Variants in SORBS2 observed in about 807,000 individuals in gnomAD.
The protein encoded by SORBS2 is sorbin and SH3 domain-containing protein 2.
Under a neutral mutation model 97.7 loss-of-function variants are expected in SORBS2, and 46 were observed. The ratio of observed to expected loss-of-function variants is 0.47; its 90% CI spans 0.37 to 0.60. The LOEUF (loss-of-function observed/expected upper bound fraction) is 0.60. SORBS2 is among the 20% of genes least tolerant of loss of function. The pLI is 0.00. For missense variants in SORBS2, 1,316 were observed against 1,282.3 expected (o/e 1.03, Z -0.40); for synonymous variants, 476 against 473.4 (o/e 1.01, Z -0.07).
At chr4:185,748,818 G>A (rs928546955) in intron 2 of SORBS2, among the ~76,000 whole-genome samples, 5 of 152,214 alleles carry the variant, frequency 3.3e-5, no homozygotes, top group Admixed American at 2.0e-4. Context: ...CCTTCGGCAA[G>A]TGGAGGATTT....
chr4:185,691,103 T>C (rs1379611418), intron 2 of SORBS2, among the ~76,000 whole-genome samples: 1 of 152,132 alleles, frequency 6.6e-6, no homozygotes, highest in East Asian at 1.9e-4. Flanking sequence ...GGTTTCACTA[T>C]GTTGGTCAGG....
chr4:185,612,583 G>A (rs2153405464), intron 11 of SORBS2, among the ~76,000 whole-genome samples: 1 of 151,102 alleles, frequency 6.6e-6, no homozygotes, highest in Middle Eastern at 3.4e-3. Context: ...CGCACCTCCT[G>A]GGTTTAAGAA....
chr4:185,672,415 GTAGCTTTTTGC>G (rs1561832461), intron 4 of SORBS2, among the ~76,000 whole-genome samples: 1 of 152,220 alleles, frequency 6.6e-6, no homozygotes, highest in African/African-American at 2.4e-5. Flanking sequence ...GTTTGGGGGT[GTAGCTTTTTGC>G]TGGCTTTCCA....
intron 2 of SORBS2, among the ~76,000 whole-genome samples, chr4:185,752,134 T>C (rs2098804208): frequency 6.6e-6 from 1 of 152,170 alleles, no homozygotes; most frequent in African/African-American, 2.4e-5. Flanking sequence ...CAGAAAAGTA[T>C]CTTAAAAATA....
intron 2 of SORBS2, among the ~76,000 whole-genome samples, chr4:185,715,138 T>C (rs755606436): frequency 8.5e-5 from 13 of 152,218 alleles, no homozygotes; most frequent in South Asian, 2.1e-4. Flanking sequence ...ATCATTAGCT[T>C]TATTCTGCTT....
intron 2 of SORBS2, among the ~76,000 whole-genome samples, chr4:185,683,436 G>A (rs1191398704): frequency 6.6e-6 from 1 of 152,112 alleles, no homozygotes; most frequent in African/African-American, 2.4e-5. Context: ...GACATTCAGG[G>A]TATTGGCATT....
At chr4:185,633,031 C>T (rs1186127644) in intron 4 of SORBS2, among the ~76,000 whole-genome samples, 1 of 152,150 alleles carries the variant, frequency 6.6e-6, no homozygotes. Flanking sequence ...TTATGATCTA[C>T]TATTTACATA....
At chr4:185,610,483 C>T (rs1367586096) in intron 12 of SORBS2, among the ~76,000 whole-genome samples, 1 of 152,020 alleles carries the variant, frequency 6.6e-6, no homozygotes, top group African/African-American at 2.4e-5. Context: ...ATATATTATC[C>T]ATGAATACAG....
At chr4:185,853,068 T>C (rs1334295135) in intron 1 of SORBS2, among the ~76,000 whole-genome samples, 1 of 152,184 alleles carries the variant, frequency 6.6e-6, no homozygotes, top group African/African-American at 2.4e-5. Flanking sequence ...TATGTGTATG[T>C]ACAGCATGTA....
At chr4:185,783,037 C>A (rs2099038699) in intron 1 of SORBS2, among the ~76,000 whole-genome samples, 1 of 152,198 alleles carries the variant, frequency 6.6e-6, no homozygotes, top group Non-Finnish European at 1.5e-5. Flanking sequence ...ATTAATCCAA[C>A]AAGCCATGGC....
At chr4:185,728,963 C>A (rs919319579) in intron 2 of SORBS2, among the ~76,000 whole-genome samples, 1 of 152,248 alleles carries the variant, frequency 6.6e-6, no homozygotes, top group African/African-American at 2.4e-5. Context: ...TGAATGAAGT[C>A]AGCCCTTCCA....
At chr4:185,735,385 T>G (rs1012837834) in intron 2 of SORBS2, among the ~76,000 whole-genome samples, 8 of 151,778 alleles carry the variant, frequency 5.3e-5, no homozygotes, top group African/African-American at 1.9e-4. Flanking sequence ...TATTTTTTTT[T>G]TTTTTTGCTT....
At chr4:185,631,375 A>C (rs1173308597) in intron 4 of SORBS2, among the ~76,000 whole-genome samples, 1 of 152,232 alleles carries the variant, frequency 6.6e-6, no homozygotes, top group Non-Finnish European at 1.5e-5. Context: ...TTTCCATGGC[A>C]TCTGCTGGGA....
intron 4 of SORBS2, chr4:185,677,508 T>G (rs778291511): frequency 8.8e-5 from 137 of 1,551,528 alleles, no homozygotes; most frequent in Non-Finnish European, 1.1e-4. Flanking sequence ...AAGAGGTTTT[T>G]TGTTAGCAAA....
intron 1 of SORBS2, chr4:185,894,282 G>T (rs1384531246): frequency 6.6e-6 from 1 of 151,966 alleles, no homozygotes; most frequent in Non-Finnish European, 1.5e-5. Context: ...GGGGAAAAGT[G>T]GGCGTGAGAC....
At chr4:185,751,925 C>T (rs2098802846) in intron 2 of SORBS2, among the ~76,000 whole-genome samples, 1 of 152,130 alleles carries the variant, frequency 6.6e-6, no homozygotes, top group African/African-American at 2.4e-5. Context: ...TTTTGCTCCC[C>T]AGGGAACATT....
chr4:185,869,955 C>T (rs1012728459), intron 1 of SORBS2, among the ~76,000 whole-genome samples: 16 of 152,080 alleles, frequency 1.1e-4, no homozygotes, highest in African/African-American at 1.9e-4. Context: ...AAGATGCAAC[C>T]GTTCTTTTAT....
chr4:185,845,504 G>A (rs1010779255), intron 1 of SORBS2, among the ~76,000 whole-genome samples: 4 of 152,070 alleles, frequency 2.6e-5, no homozygotes, highest in Admixed American at 6.5e-5. Context: ...TTGTAAATTT[G>A]GGTTAGAAAA....
chr4:185,830,805 G>A (rs925638640), intron 1 of SORBS2, among the ~76,000 whole-genome samples: 2 of 152,136 alleles, frequency 1.3e-5, no homozygotes, highest in Non-Finnish European at 2.9e-5. Flanking sequence ...TCCTGAGGGC[G>A]GTTAGCCATC....
Sources: gnomAD v4.1 joint callset for allele counts (sites outside exome capture counted in the v4.1 genomes callset) on GRCh38, gnomAD v4.1.1 for gene constraint, MANE v1.5 for transcripts, NCBI Gene and HGNC (gene_info 2026-07-23, HGNC 2026-07-21) for gene names.